The following THADA variants were observed in gnomAD, a reference collection of about 807,000 sequenced individuals.
The protein encoded by THADA is THADA armadillo repeat containing, also known as tRNA (32-2'-O)-methyltransferase regulator THADA.
THADA carries 213 observed loss-of-function variants against 219.8 expected under a neutral mutation model. That is an observed-to-expected ratio of 0.97 (90% CI 0.87 to 1.09). The LOEUF is 1.09. THADA is among the 50% of genes least tolerant of loss of function. The pLI, the probability that THADA is intolerant of heterozygous loss-of-function variation, is 0.00. For synonymous variants in THADA, 1,018 were observed against 828.9 expected, an observed-to-expected ratio of 1.23 and a Z score of -3.92; for missense variants, 2,956 against 2,311.3, an observed-to-expected ratio of 1.28 and a Z score of -5.72.
chr2:43,278,438 C>G (rs914589973), intron 36 of THADA, among the ~76,000 whole-genome samples: 1 of 152,106 alleles, frequency 6.6e-6, no homozygotes, highest in Non-Finnish European at 1.5e-5. Flanking sequence ...AAATATTTAC[C>G]GAACACTTAC....
At chr2:43,577,443 G>C (rs1454270456) in intron 9 of THADA, among the ~76,000 whole-genome samples, 1 of 151,334 alleles carries the variant, frequency 6.6e-6, no homozygotes, top group African/African-American at 2.4e-5. Flanking sequence ...GAATGATTTT[G>C]CTGGTTGGAA....
rs200036949 is a variant in THADA, at chr2:43,245,172, C to CTTTTTTTTTTTTTTTTTTTTTTTTTTTTT, written c.5297-12291_5297-12290insAAAAAAAAAAAAAAAAAAAAAAAAAAAAA. ...TACTGGAGCTTCTTTCTTTCTTCTT[C>CTTTTTTTTTTTTTTTTTTTTTTTTTTTTT]TTTTTTTTTTTTTTTTTTGAGACGG... On this transcript the variant is annotated intron_variant, in intron 36 of 37. Transcript: ENST00000405975. 5.8e-5 allele frequency among the ~76,000 whole-genome samples: 6 copies of CTTTTTTTTTTTTTTTTTTTTTTTTTTTTT among 103,144 alleles called. 2 individuals carry two copies. The highest frequency in any genetic ancestry group is 2.0e-4 in the African/African-American group (4 of 20,008). The allele number at this position is 103,144 out of a possible 152,430, so 67.7% of individuals were successfully genotyped here.
At position 43,552,042 on chromosome 2, in the gene THADA, G is replaced by A. The variant is rs1012193591; in HGVS notation, c.2811-117C>T. ...AAATTGTTCAATACATAAAACATGT[G>A]AGACATAAAAATATACACAGATACG... On this transcript the variant is annotated intron_variant, in intron 18 of 37. Transcript: ENST00000405975. 1.7e-5 allele frequency: 26 copies of A among 1,541,218 alleles called. No homozygotes were observed. In the African/African-American group the frequency reaches 2.5e-4, roughly 15 times the overall value.
At chr2:43,546,418 A>G (rs1161666256) in intron 20 of THADA, among the ~76,000 whole-genome samples, 1 of 152,094 alleles carries the variant, frequency 6.6e-6, no homozygotes, top group African/African-American at 2.4e-5. Context: ...CAATTCCTGG[A>G]TATCCTTGTT....
intron 26 of THADA, chr2:43,463,173 T>G (rs753859333): frequency 6.6e-6 from 1 of 152,222 alleles, no homozygotes; most frequent in Admixed American, 6.5e-5. Flanking sequence ...TTAGAGCTGT[T>G]CATTCATAAT....
intron 29 of THADA, among the ~76,000 whole-genome samples, chr2:43,393,919 G>C (rs2104701354): frequency 6.6e-6 from 1 of 152,228 alleles, no homozygotes; most frequent in African/African-American, 2.4e-5. Flanking sequence ...CTCATGATTG[G>C]TGGCCAAGCT....
At chr2:43,531,523 T>C (rs1319151725) in intron 21 of THADA, among the ~76,000 whole-genome samples, 3 of 152,174 alleles carry the variant, frequency 2.0e-5, no homozygotes, top group African/African-American at 7.2e-5. Context: ...CTTGGCAGTG[T>C]AGTCCATGAG....
At chr2:43,354,860 C>G (rs1668703331) in intron 29 of THADA, among the ~76,000 whole-genome samples, 1 of 152,138 alleles carries the variant, frequency 6.6e-6, no homozygotes, top group Non-Finnish European at 1.5e-5. Context: ...GGGTGGTTAT[C>G]CTCATGCTGT....
chr2:43,468,677 A>C (rs1684554665), intron 26 of THADA, among the ~76,000 whole-genome samples: 1 of 152,208 alleles, frequency 6.6e-6, no homozygotes, highest in African/African-American at 2.4e-5. Flanking sequence ...ATCCCCCACC[A>C]ACTTAAGAAT....
chr2:43,508,892 G>C, intron 22 of THADA, 112 bp from the exon 23 acceptor site: 1 of 1,021,640 alleles, frequency 9.8e-7, no homozygotes, highest in Non-Finnish European at 1.4e-6. Flanking sequence ...ATATTGAGTG[G>C]GGGTGAAACT....
At chr2:43,286,847 G>GAAT in intron 35 of THADA, 61 bp downstream of exon 35, 1 of 1,561,776 alleles carries the variant, frequency 6.4e-7, no homozygotes, top group South Asian at 1.2e-5. Context: ...TTTTAGGCAA[G>GAAT]AATATCTATT....
intron 36 of THADA, among the ~76,000 whole-genome samples, chr2:43,264,851 G>C (rs890819040): frequency 4.6e-5 from 7 of 152,216 alleles, no homozygotes; most frequent in Non-Finnish European, 1.0e-4. Context: ...ACAGTACCGT[G>C]AACATGACAA....
chr2:43,510,774 C>T (rs931457530), intron 22 of THADA, among the ~76,000 whole-genome samples: 5 of 151,238 alleles, frequency 3.3e-5, no homozygotes, highest in Admixed American at 2.0e-4. Flanking sequence ...AGTTCAAGAC[C>T]ACCTTGGCCA....
intron 26 of THADA, among the ~76,000 whole-genome samples, chr2:43,431,942 C>T (rs1252190354): frequency 1.2e-4 from 13 of 110,328 alleles, no homozygotes; most frequent in Non-Finnish European, 1.4e-4. Context: ...CTGCAAGCTC[C>T]GCCTCGCGGG....
At chr2:43,495,670 A>G (rs1688179652) in intron 25 of THADA, among the ~76,000 whole-genome samples, 1 of 152,222 alleles carries the variant, frequency 6.6e-6, no homozygotes, top group Non-Finnish European at 1.5e-5. Context: ...ATTTTACTAA[A>G]AAGTTGGACG....
chr2:43,551,714 T>TG, intron 19 of THADA, 75 bp downstream of exon 19: 7 of 1,337,740 alleles, frequency 5.2e-6, no homozygotes, highest in Non-Finnish European at 6.9e-6. Flanking sequence ...AAGAAATACT[T>TG]GGGGAAAAAA....
At chr2:43,286,862 T>C (rs1263582922) in intron 35 of THADA, 46 bp downstream of exon 35, 4 of 1,584,640 alleles carry the variant, frequency 2.5e-6, no homozygotes, top group Non-Finnish European at 3.5e-6. Flanking sequence ...TCTATTCATA[T>C]TTTAAGTGAG....
At chr2:43,250,242 T>C (rs893588783) in intron 36 of THADA, among the ~76,000 whole-genome samples, 11 of 152,272 alleles carry the variant, frequency 7.2e-5, no homozygotes, top group African/African-American at 2.7e-4. Flanking sequence ...CTAAAAGTGC[T>C]GATTCACGCT....
chr2:43,419,594 G>GA (rs956232750), intron 28 of THADA, among the ~76,000 whole-genome samples: 4 of 151,964 alleles, frequency 2.6e-5, no homozygotes, highest in Non-Finnish European at 4.4e-5. Flanking sequence ...TCTTCTGGAA[G>GA]AAAAAAACAC....
Sources: allele counts gnomAD v4.1 joint callset (sites outside exome capture counted in the v4.1 genomes callset), GRCh38; gene constraint gnomAD v4.1.1; transcripts MANE v1.5; gene names NCBI Gene and HGNC (gene_info 2026-07-23, HGNC 2026-07-21).